LIFR: variants seen among roughly 807,000 people sequenced by gnomAD.
The protein encoded by LIFR is LIF receptor subunit alpha.
In LIFR, 84 loss-of-function variants were observed where a neutral mutation model predicts 122.2. That is an observed-to-expected ratio of 0.69 (90% confidence interval 0.58 to 0.82). The LOEUF (loss-of-function observed/expected upper bound fraction) is 0.82, where lower values mean the gene tolerates loss of function less well. LIFR is among the 40% of genes least tolerant of loss of function. The pLI, the probability that LIFR is intolerant of heterozygous loss-of-function variation, is 0.00. For missense variants in LIFR, 1,294 were observed against 1,311.6 expected (o/e 0.99, Z 0.21); for synonymous variants, 422 against 434.7 (o/e 0.97, Z 0.36).
At position 38,482,068 on chromosome 5, in the gene LIFR, G is replaced by C. The variant is rs1178895181; in HGVS notation, c.2821C>G (p.Pro941Ala). The C allele has an allele frequency of 1.9e-6, 3 of 1,607,682 alleles. No individual in the cohort carries two copies. Among genetic ancestry groups the C allele is most frequent in the Non-Finnish European group, 2.5e-6 (3 of 1,176,854 alleles). ...ERPEDRSDAE[P>A]ENHVVVSYCP... ...TAGGACACAACCACATGGTTTTCAG[G>C]CTCTGCATCAGAGCGATCTTCAGGA... is the stretch of plus-strand genomic sequence containing the variant. Residue 941 changes from proline to alanine, a missense_variant, in exon 20 of 20, where the codon CCT becomes GCT. Coordinates refer to ENST00000453190, the MANE Select transcript of LIFR (RefSeq NM_001127671.2).
intron 5 of LIFR, 30 bp downstream of exon 5, chr5:38,523,389 C>A: frequency 1.3e-6 from 2 of 1,580,526 alleles, no homozygotes; most frequent in Non-Finnish European, 1.7e-6. Context: ...TCTTTAATGT[C>A]ATAGGAAGAA....
chr5:38,598,772 C>T (rs557518989), upstream of LIFR, among the ~76,000 whole-genome samples: 1 of 152,292 alleles, frequency 6.6e-6, no homozygotes, highest in African/African-American at 2.4e-5. Flanking sequence ...GTATCTTACT[C>T]CTATTGTAGC....
At chr5:38,484,648 T>C (rs1218316432) in intron 18 of LIFR, 127 bp downstream of exon 18, 2 of 689,768 alleles carry the variant, frequency 2.9e-6, no homozygotes, top group South Asian at 3.3e-5. Context: ...TAATTCTAAT[T>C]AAAACATTTT....
chr5:38,581,949 C>T (rs912085813), intron 1 of LIFR, among the ~76,000 whole-genome samples: 3 of 152,178 alleles, frequency 2.0e-5, no homozygotes, highest in Non-Finnish European at 2.9e-5. Context: ...CTTTGTGAAG[C>T]GTTTCTTTTG....
intron 2 of LIFR, among the ~76,000 whole-genome samples, chr5:38,601,965 C>T (rs1194649838): frequency 1.3e-5 from 2 of 152,228 alleles, no homozygotes; most frequent in Non-Finnish European, 2.9e-5. Context: ...CTAGAAACCA[C>T]CGCATCATCC....
intron 5 of LIFR, among the ~76,000 whole-genome samples, chr5:38,517,501 TAGATTAACA>T (rs1385284646): frequency 6.6e-6 from 1 of 152,070 alleles, no homozygotes; most frequent in Non-Finnish European, 1.5e-5. Context: ...AGCTGCAAAT[TAGATTAACA>T]GACAAGACTT....
chr5:38,496,666 T>C (rs1744896522), intron 12 of LIFR, 71 bp from the exon 13 acceptor site: 2 of 1,088,988 alleles, frequency 1.8e-6, no homozygotes. Flanking sequence ...TAATTGGGTT[T>C]AAACTGGACA....
At chr5:38,505,036 C>T (rs1745389623) in intron 9 of LIFR, among the ~76,000 whole-genome samples, 1 of 151,844 alleles carries the variant, frequency 6.6e-6, no homozygotes, top group Non-Finnish European at 1.5e-5. Flanking sequence ...GGAATGAATA[C>T]CAAAAAGACC....
intron 1 of LIFR, among the ~76,000 whole-genome samples, chr5:38,576,400 A>G (rs1238688251): frequency 6.6e-6 from 1 of 152,154 alleles, no homozygotes; most frequent in African/African-American, 2.4e-5. Flanking sequence ...CAGAGTTCCT[A>G]TGATTATCTA....
At chr5:38,510,740 A>T in intron 6 of LIFR, 22 bp from the exon 7 acceptor site, 1 of 1,589,902 alleles carries the variant, frequency 6.3e-7, no homozygotes, top group Non-Finnish European at 8.6e-7. Context: ...AAGAGGAATT[A>T]TAAACATTTT....
At position 38,504,018 on chromosome 5, in the gene LIFR, T is replaced by C. The variant is rs1468881575; in HGVS notation, c.1395A>G (p.Leu465=). The C allele has an allele frequency of 6.3e-7, 1 of 1,587,060 alleles. No individual in the cohort carries two copies. Among genetic ancestry groups the C allele is most frequent in the Non-Finnish European group, 8.7e-7 (1 of 1,155,858 alleles). ...TAGATTTCTTAATTTCAATTTCACA[T>C]AAAAAATTAATCTTTGCAAAGTTGC... ...LPGNFAKINF[L]CEIEIKKSNS... is the part of the protein sequence containing the mutation. Residue 465 remains leucine (L), a synonymous_variant, in exon 10 of 20, where the codon TTA becomes TTG. Transcript: ENST00000453190.
chr5:38,521,957 G>A (rs1449436293), intron 5 of LIFR, among the ~76,000 whole-genome samples: 1 of 152,128 alleles, frequency 6.6e-6, no homozygotes, highest in Non-Finnish European at 1.5e-5. Context: ...AAAGCTGGGT[G>A]GGCTTGTCCT....
chr5:38,488,403 T>C (rs2112389658), intron 16 of LIFR, among the ~76,000 whole-genome samples: 1 of 152,306 alleles, frequency 6.6e-6, no homozygotes, highest in South Asian at 2.1e-4. Context: ...TCCAGGGACA[T>C]GAAAGCTCTC....
intron 1 of LIFR, among the ~76,000 whole-genome samples, chr5:38,577,489 G>A (rs1265006098): frequency 6.6e-6 from 1 of 152,032 alleles, no homozygotes; most frequent in African/African-American, 2.4e-5. Flanking sequence ...TGCCTTGCCT[G>A]CCTAGTCTTC....
At chr5:38,555,059 C>T (rs966691478) in intron 1 of LIFR, 1 of 152,132 alleles carries the variant, frequency 6.6e-6, no homozygotes, top group Non-Finnish European at 1.5e-5. Flanking sequence ...ATAGCTGCTC[C>T]GATCACCTTG....
At chr5:38,606,291 T>A (rs1226161693) in exon 2 of LIFR, 1 of 152,084 alleles carries the variant, frequency 6.6e-6, no homozygotes, top group African/African-American at 2.4e-5. Flanking sequence ...TGGCAGAAGA[T>A]GAAACAGGGG....
intron 1 of LIFR, among the ~76,000 whole-genome samples, chr5:38,538,133 G>A (rs560134892): frequency 6.6e-6 from 1 of 152,138 alleles, no homozygotes; most frequent in Non-Finnish European, 1.5e-5. Context: ...CCTCTAAGTG[G>A]TTACCACTTA....
chr5:38,526,267 A>C (rs1415870428), intron 4 of LIFR, among the ~76,000 whole-genome samples: 2 of 152,156 alleles, frequency 1.3e-5, no homozygotes, highest in African/African-American at 4.8e-5. Flanking sequence ...CTTAGGACAT[A>C]AGAAGATAAG....
At position 38,530,658 on chromosome 5, in the gene LIFR, C is replaced by G; in HGVS notation, c.-11G>C. ...GTAAATATCCATCATCTGTGCAATG[C>G]AGTCAGTCCTAGGTTAGGAGAGGAA... On this transcript the variant is annotated 5_prime_UTR_variant, in exon 2 of 20. Transcript: ENST00000453190. 1 of 1,613,580 alleles carries G rather than the reference C, an allele frequency of 6.2e-7. No individual in the cohort carries two copies. Among genetic ancestry groups the G allele is most frequent in the Non-Finnish European group, 8.5e-7 (1 of 1,179,568 alleles).
Sources: allele counts gnomAD v4.1 joint callset (sites outside exome capture counted in the v4.1 genomes callset), GRCh38; gene constraint gnomAD v4.1.1; transcripts MANE v1.5; gene names NCBI Gene and HGNC (gene_info 2026-07-23, HGNC 2026-07-21).